Variants in COL3A1 observed in about 807,000 individuals in gnomAD.
COL3A1 encodes the protein collagen alpha-1(III) chain.
A neutral mutation model predicts 200.9 loss-of-function variants in COL3A1; 46 were observed. That is an observed-to-expected ratio of 0.23 (90% CI 0.18 to 0.29). The LOEUF is 0.29. Among genes scored for constraint, COL3A1 ranks in the 10% least tolerant of loss-of-function variants. The probability of loss-of-function intolerance (pLI) is 1.00; values close to 1 mark genes in which losing one functional copy is unlikely to be tolerated. For synonymous variants in COL3A1, 650 were observed against 628.0 expected, an observed-to-expected ratio of 1.03 and a Z score of -0.52; for missense variants, 1,367 against 1,917.6, an observed-to-expected ratio of 0.71 and a Z score of 5.36.
rs1688272626 is a variant in COL3A1 at position 188,994,999 on chromosome 2, G to T, written c.1456-47G>T. 5.0e-6 allele frequency: 8 copies of T among 1,601,852 alleles called. No homozygotes were observed. In the East Asian group the frequency reaches 1.8e-4, roughly 36 times the overall value. ...TTTGCCACTCAAGAATTATGAAAAA[G>T]AATTGAAATCCTTTGGACTGAAATA... On this transcript the variant is annotated intron_variant, in intron 20 of 50. Transcript: ENST00000304636. This position sits in a 1 kb window ranked among gnomAD's most constrained non-coding sequence, Gnocchi z 4.5.
In COL3A1 at chr2:188,984,810, G is replaced by C. The variant is rs79632685; in HGVS notation, c.130G>C (p.Val44Leu). The C allele has an allele frequency of 6.2e-7, 1 of 1,613,206 alleles. No individual in the cohort carries two copies. The highest frequency in any genetic ancestry group is 8.5e-7 in the Non-Finnish European group (1 of 1,179,376). Reference protein sequence around the residue: ...HLGQSYADRDVWKPEPCQICV... With the variant: ...HLGQSYADRDLWKPEPCQICV... ...TGGTCAGTCCTATGCGGATAGAGAT[G>C]TCTGGAAGCCAGAACCATGCCAAAT... is the stretch of plus-strand genomic sequence containing the variant. The change falls in exon 2 of 51, where the codon GTC becomes CTC. Residue 44 changes from valine (V) to leucine (L), a missense_variant. By Grantham distance (32) the Val-to-Leu change is conservative. Around this residue, in one of 5 missense-constraint regions of COL3A1, gnomAD observed 55 missense variants for 51.5 expected, o/e 1.07. Transcript: ENST00000304636.
At position 189,007,551 on chromosome 2, in the gene COL3A1, G is replaced by C. The variant is rs374548570; in HGVS notation, c.3307G>C (p.Ala1103Pro). Reference sequence around the variant, plus strand: ...AGGTGAAACAGGTGAACGTGGAGCTGCTGGCATCAAAGGACATCGAGGATT... The same window carrying C: ...AGGTGAAACAGGTGAACGTGGAGCTCCTGGCATCAAAGGACATCGAGGATT... ...DKGETGERGA[A>P]GIKGHRGFPG... Residue 1103 changes from alanine to proline, a missense_variant, in exon 45 of 51, where the codon GCT becomes CCT. Around this residue, in one of 5 missense-constraint regions of COL3A1, gnomAD observed 846 missense variants for 1,147.9 expected, o/e 0.74. Transcript: ENST00000304636. 1 of 1,613,734 alleles carries C rather than the reference G, an allele frequency of 6.2e-7. No homozygotes were observed. Among genetic ancestry groups the C allele is most frequent in the Non-Finnish European group, 8.5e-7 (1 of 1,179,892 alleles).
Position 189,012,623 on chromosome 2 carries a change from A to G in COL3A1, c.*849A>G, listed in dbSNP as rs1371550808. 2.0e-5 allele frequency: 3 copies of G among 152,678 alleles called. No individual in the cohort carries two copies. Among genetic ancestry groups the G allele is most frequent in the East Asian group, 1.9e-4 (1 of 5,188 alleles). The allele number at this position is 152,678 out of a possible 1,614,324, so 9.5% of individuals were successfully genotyped here. A position where few individuals can be genotyped will look rare whatever the true frequency, so the allele number is the denominator to read the frequency against. ...AAAGGTCAACAATAAAAACCAAATT[A>G]TGGGGCTGCTTTTGTCACACTAGCA... is the stretch of plus-strand genomic sequence containing the variant. On this transcript the variant is annotated 3_prime_UTR_variant, in exon 51 of 51. Coordinates refer to ENST00000304636, the MANE Select transcript of COL3A1 (RefSeq NM_000090.4).
chr2:189,004,474 G>T, intron 40 of COL3A1, 110 bp downstream of exon 40: 1 of 988,500 alleles, frequency 1.0e-6, no homozygotes, highest in Non-Finnish European at 1.5e-6. Context: ...AAATTAGCCA[G>T]GAGATAATTT....
chr2:188,976,735 C>T (rs1381332138), intron 1 of COL3A1, among the ~76,000 whole-genome samples: 3 of 152,220 alleles, frequency 2.0e-5, no homozygotes, highest in East Asian at 3.9e-4. Flanking sequence ...GAATTTTGGT[C>T]GTCTTACAAA....
chr2:188,992,802 C>A, intron 14 of COL3A1, 85 bp from the exon 15 acceptor site: 1 of 1,040,820 alleles, frequency 9.6e-7, no homozygotes, highest in Non-Finnish European at 1.5e-6. Flanking sequence ...ATCTTCTTTA[C>A]TTTATATGTG....
chr2:188,975,354 A>G (rs902004911), intron 1 of COL3A1, among the ~76,000 whole-genome samples: 5 of 152,214 alleles, frequency 3.3e-5, no homozygotes, highest in Admixed American at 2.0e-4. Flanking sequence ...CTGTTTTGCT[A>G]TATTTTCTAA....
intron 34 of COL3A1, among the ~76,000 whole-genome samples, 187 bp from the exon 35 acceptor site, chr2:189,002,111 A>G (rs1320470655): frequency 6.6e-6 from 1 of 152,206 alleles, no homozygotes; most frequent in African/African-American, 2.4e-5. Context: ...GGCAGAAGGA[A>G]TCAATGGTTC....
chr2:188,976,781 C>T (rs1181975621), intron 1 of COL3A1, among the ~76,000 whole-genome samples: 1 of 152,166 alleles, frequency 6.6e-6, no homozygotes, highest in African/African-American at 2.4e-5. Context: ...GTGTTTTAAT[C>T]CACCAATGGA....
chr2:188,987,206 G>A (rs1688081794), intron 5 of COL3A1, 67 bp downstream of exon 5: 1 of 1,300,880 alleles, frequency 7.7e-7, no homozygotes, highest in South Asian at 1.2e-5. Context: ...ATCTTGAATG[G>A]TTGCTCTTCT....
intron 31 of COL3A1, 96 bp from the exon 32 acceptor site, chr2:188,999,746 A>C (rs1376803340): frequency 7.2e-7 from 1 of 1,390,814 alleles, no homozygotes; most frequent in Admixed American, 2.0e-5. Context: ...AGAACACCCA[A>C]TATATATCCC....
At position 188,991,503 on chromosome 2, in the gene COL3A1, C is replaced by T. The variant is rs1688187822; in HGVS notation, c.869C>T (p.Pro290Leu). Reference sequence around the variant, plus strand: ...TGTATCTAGGGTGAAAATGGTCTTCCAGGCGAAAATGGAGCTCCTGGACCC... The same window carrying T: ...TGTATCTAGGGTGAAAATGGTCTTCTAGGCGAAAATGGAGCTCCTGGACCC... Reference protein sequence around the residue: ...APGLKGENGLPGENGAPGPMG... With the variant: ...APGLKGENGLLGENGAPGPMG... The change falls in exon 12 of 51, where the codon CCA becomes CTA. Residue 290 changes from proline (P) to leucine (L), a missense_variant. Physicochemically the swap from Pro to Leu is moderately conservative, Grantham distance 98 (BLOSUM62 -3). Coordinates refer to ENST00000304636, the MANE Select transcript of COL3A1 (RefSeq NM_000090.4). 1 of 1,610,288 alleles carries T rather than the reference C, an allele frequency of 6.2e-7. No homozygotes were observed. Among genetic ancestry groups the T allele is most frequent in the Non-Finnish European group, 8.5e-7 (1 of 1,177,406 alleles).
At chr2:188,995,009 C>A (rs756976219) in intron 20 of COL3A1, 37 bp from the exon 21 acceptor site, 6 of 1,607,372 alleles carry the variant, frequency 3.7e-6, no homozygotes, top group African/African-American at 2.7e-5. Context: ...GAATTGAAAT[C>A]CTTTGGACTG....
chr2:188,988,042 A>G (rs1029339911), intron 5 of COL3A1, 39 bp from the exon 6 acceptor site: 2 of 1,480,340 alleles, frequency 1.4e-6, no homozygotes, highest in Admixed American at 1.7e-5. Flanking sequence ...TGTATTTTGC[A>G]TTCATTTATT....
intron 24 of COL3A1, 65 bp from the exon 25 acceptor site, chr2:188,997,076 TATATATATGAGACATATATATATG>T: frequency 1.7e-6 from 1 of 578,762 alleles, no homozygotes; most frequent in African/African-American, 2.8e-5. Flanking sequence ...ATATGAGACA[TATATATATGAGACATATATATATG>T]AGACAATAAT....
At chr2:188,993,058 A>C (rs779166606) in intron 15 of COL3A1, 118 bp downstream of exon 15, 15 of 917,060 alleles carry the variant, frequency 1.6e-5, no homozygotes, top group Non-Finnish European at 2.5e-5. Context: ...TTATCTATAC[A>C]TGTCTTTAAA....
chr2:188,995,974 C>T, intron 22 of COL3A1, 151 bp from the exon 23 acceptor site: 1 of 898,084 alleles, frequency 1.1e-6, no homozygotes, highest in African/African-American at 1.7e-5. Flanking sequence ...AGATAGAACA[C>T]TTGCCTTAGA....
At chr2:188,975,685 G>A (rs188469659) in intron 1 of COL3A1, among the ~76,000 whole-genome samples, 1 of 152,150 alleles carries the variant, frequency 6.6e-6, no homozygotes, top group South Asian at 2.1e-4. Context: ...GTAAATGTGT[G>A]TATGAGGGGA....
rs375137220 is a variant in COL3A1 at position 188,985,652 on chromosome 2, A to G, written c.334-13A>G. 24 of 1,556,190 alleles carry G rather than the reference A, an allele frequency of 1.5e-5. No individual in the cohort carries two copies. Among genetic ancestry groups the G allele is most frequent in the Middle Eastern group, 4.4e-4 (2 of 4,580 alleles). ...ATTTTTCACTATTTAATTTATTTTT[A>G]TCTCTTTTTTAGGGCCCTCCTGGTA... On this transcript the variant is annotated splice_polypyrimidine_tract_variant and intron_variant, in intron 3 of 50. Transcript: ENST00000304636.
Sources: gnomAD v4.1 joint callset for allele counts (sites outside exome capture counted in the v4.1 genomes callset) on GRCh38, gnomAD v4.1.1 for gene constraint, gnomAD v4.1.1 regional missense constraint, Gnocchi (gnomAD v3.1) non-coding constraint, MANE v1.5 for transcripts, NCBI Gene and HGNC (gene_info 2026-07-23, HGNC 2026-07-21) for gene names.